Variants in MAF observed in about 807,000 individuals in gnomAD.
MAF encodes the protein transcription factor Maf.
A neutral mutation model predicts 22.0 loss-of-function variants in MAF; 10 were observed. The ratio of observed to expected loss-of-function variants is 0.45; its 90% CI spans 0.28 to 0.77. The LOEUF (loss-of-function observed/expected upper bound fraction) is 0.77, where lower values mean the gene tolerates loss of function less well. Among genes scored for constraint, MAF ranks in the 30% least tolerant of loss-of-function variants. MAF has a pLI of 0.12. For missense variants in MAF, 544 were observed against 548.4 expected (o/e 0.99, Z 0.08); for synonymous variants, 337 against 255.8 (o/e 1.32, Z -3.03).
At chr16:79,352,055 G>A in the MAF span, among the ~76,000 whole-genome samples, 2 of 152,124 alleles carry the variant, frequency 1.3e-5, no homozygotes, top group African/African-American at 4.8e-5. Flanking sequence ...TGCCCAGAAA[G>A]GATCTGTCCA....
chr16:79,493,229 C>A, the MAF span, among the ~76,000 whole-genome samples: 1 of 151,918 alleles, frequency 6.6e-6, no homozygotes, highest in Non-Finnish European at 1.5e-5. Flanking sequence ...GTTGTCCAGG[C>A]TGGAGGACAG....
At chr16:79,379,315 G>T in the MAF span, among the ~76,000 whole-genome samples, 1 of 152,182 alleles carries the variant, frequency 6.6e-6, no homozygotes, top group Non-Finnish European at 1.5e-5. Flanking sequence ...TGGGAGCACT[G>T]GCATGTTGCC....
At chr16:79,435,035 G>A in the MAF span, among the ~76,000 whole-genome samples, 2 of 152,168 alleles carry the variant, frequency 1.3e-5, no homozygotes, top group African/African-American at 4.8e-5. Flanking sequence ...AGCAGAGTGT[G>A]GAGAAGCGAA....
chr16:79,520,401 C>T, the MAF span, among the ~76,000 whole-genome samples: 1 of 152,132 alleles, frequency 6.6e-6, no homozygotes, highest in Non-Finnish European at 1.5e-5. Context: ...CAGGAGCTGG[C>T]CCCATGGCAC....
At chr16:79,393,478 A>G in the MAF span, among the ~76,000 whole-genome samples, 1 of 152,216 alleles carries the variant, frequency 6.6e-6, no homozygotes, top group Non-Finnish European at 1.5e-5. Flanking sequence ...TTTAAAGAGG[A>G]TAATGCAGAA....
chr16:79,537,873 A>T, the MAF span, among the ~76,000 whole-genome samples: 1 of 152,208 alleles, frequency 6.6e-6, no homozygotes, highest in Non-Finnish European at 1.5e-5. Flanking sequence ...CAGGCCCTGA[A>T]TTCCTGGCTT....
the MAF span, among the ~76,000 whole-genome samples, chr16:79,245,722 A>T: frequency 6.6e-6 from 1 of 152,086 alleles, no homozygotes; most frequent in African/African-American, 2.4e-5. Context: ...TACCCAAAGG[A>T]TTATAAATAA....
the MAF span, among the ~76,000 whole-genome samples, chr16:79,436,654 T>C: frequency 6.6e-6 from 1 of 152,216 alleles, no homozygotes; most frequent in Non-Finnish European, 1.5e-5. Context: ...CTAAAGGGCT[T>C]GTTGGTTGCA....
At chr16:79,308,600 A>G in the MAF span, among the ~76,000 whole-genome samples, 1 of 152,228 alleles carries the variant, frequency 6.6e-6, no homozygotes, top group South Asian at 2.1e-4. Flanking sequence ...GTTATGCAAA[A>G]GCATCTTGTC....
chr16:79,235,308 C>G, the MAF span, among the ~76,000 whole-genome samples: 1 of 151,880 alleles, frequency 6.6e-6, no homozygotes, highest in Admixed American at 6.6e-5. Context: ...ATAAAGAAAA[C>G]AAAATTTGCA....
chr16:79,210,124 C>T, the MAF span, among the ~76,000 whole-genome samples: 23 of 152,194 alleles, frequency 1.5e-4, no homozygotes, highest in African/African-American at 5.5e-4. Flanking sequence ...GTCTTTGTCT[C>T]ACTCACGGTC....
chr16:79,273,218 C>A, the MAF span, among the ~76,000 whole-genome samples: 2 of 152,142 alleles, frequency 1.3e-5, no homozygotes, highest in Non-Finnish European at 2.9e-5. Flanking sequence ...CTGGCCCCAA[C>A]CCCGGCTGAG....
chr16:79,559,869 G>T, the MAF span, among the ~76,000 whole-genome samples: 32 of 152,204 alleles, frequency 2.1e-4, no homozygotes, highest in Middle Eastern at 6.8e-3. Flanking sequence ...CTGCTGCTTT[G>T]GTTTTATTTG....
the MAF span, among the ~76,000 whole-genome samples, chr16:79,222,605 C>G: frequency 6.6e-6 from 1 of 151,900 alleles, no homozygotes; most frequent in African/African-American, 2.4e-5. Flanking sequence ...GAGTCAAGAC[C>G]CATCCTGTGC....
the MAF span, among the ~76,000 whole-genome samples, chr16:79,300,608 T>G: frequency 6.6e-6 from 1 of 151,454 alleles, no homozygotes; most frequent in East Asian, 1.9e-4. Context: ...AATCTCAAGA[T>G]TATACTAGGG....
chr16:79,475,023 C>T, the MAF span, among the ~76,000 whole-genome samples: 1 of 152,204 alleles, frequency 6.6e-6, no homozygotes, highest in Non-Finnish European at 1.5e-5. Context: ...CTGTCTATCG[C>T]TAACAGTAAG....
At chr16:79,451,802 C>T in the MAF span, among the ~76,000 whole-genome samples, 1 of 152,188 alleles carries the variant, frequency 6.6e-6, no homozygotes, top group Non-Finnish European at 1.5e-5. Flanking sequence ...AAGGTCTATG[C>T]TTCTAGACTT....
At chr16:79,455,788 TG>T in the MAF span, among the ~76,000 whole-genome samples, 168 of 152,254 alleles carry the variant, frequency 1.1e-3, no homozygotes, top group Non-Finnish European at 2.0e-3. Context: ...GGGACCAAGG[TG>T]GGCAGACTGC....
the MAF span, among the ~76,000 whole-genome samples, chr16:79,355,143 T>C: frequency 6.6e-6 from 1 of 152,210 alleles, no homozygotes; most frequent in Non-Finnish European, 1.5e-5. Flanking sequence ...CCAAAGTCTA[T>C]CTTGCAGGAT....
Sources: gnomAD v4.1 joint callset for allele counts (sites outside exome capture counted in the v4.1 genomes callset) on GRCh38, gnomAD v4.1.1 for gene constraint, MANE v1.5 for transcripts, NCBI Gene and HGNC (gene_info 2026-07-23, HGNC 2026-07-21) for gene names.